TRPS1: variants seen among roughly 807,000 people sequenced by gnomAD.
TRPS1 encodes the protein zinc finger transcription factor Trps1.
Under a neutral mutation model 101.2 loss-of-function variants are expected in TRPS1, and 6 were observed. The observed-to-expected ratio is 0.06, with a 90% confidence interval of 0.03 to 0.12. TRPS1 has a LOEUF of 0.12. TRPS1 is among the 10% of genes least tolerant of loss of function. The pLI is 1.00. For synonymous variants in TRPS1, 578 were observed against 589.8 expected (o/e 0.98, Z 0.29); for missense variants, 1,363 against 1,567.0 (o/e 0.87, Z 2.20).
intron 4 of TRPS1, among the ~76,000 whole-genome samples, chr8:115,595,504 T>C (rs1173778567): frequency 6.6e-6 from 1 of 151,952 alleles, no homozygotes; most frequent in African/African-American, 2.4e-5. Context: ...TGAAATAATC[T>C]GATTAGGATT....
intron 5 of TRPS1, among the ~76,000 whole-genome samples, chr8:115,584,564 C>T (rs1361355617): frequency 6.6e-6 from 1 of 150,628 alleles, no homozygotes; most frequent in Admixed American, 6.6e-5. Flanking sequence ...AACTATGCCT[C>T]TGAAACTATA....
At chr8:115,590,735 T>C (rs1226332049) in intron 4 of TRPS1, among the ~76,000 whole-genome samples, 1 of 152,216 alleles carries the variant, frequency 6.6e-6, no homozygotes, top group Non-Finnish European at 1.5e-5. Context: ...ACTGAACCTG[T>C]CTCAGTTTCC....
chr8:115,590,137 A>G (rs935581819), intron 4 of TRPS1, among the ~76,000 whole-genome samples: 2 of 151,998 alleles, frequency 1.3e-5, no homozygotes, highest in African/African-American at 4.8e-5. Flanking sequence ...AAACAACAAC[A>G]ACAAAAAAAA....
At chr8:115,559,772 T>C (rs1051971408) in intron 5 of TRPS1, among the ~76,000 whole-genome samples, 1 of 152,146 alleles carries the variant, frequency 6.6e-6, no homozygotes, top group Non-Finnish European at 1.5e-5. Flanking sequence ...AATCTTACCC[T>C]TGAAAGTGCC....
intron 1 of TRPS1, among the ~76,000 whole-genome samples, chr8:115,625,708 C>A (rs1444069050): frequency 1.3e-5 from 2 of 151,844 alleles, no homozygotes; most frequent in African/African-American, 4.8e-5. Context: ...TTCTGAGTAT[C>A]TTTCTAAATA....
At chr8:115,645,513 T>C (rs920429470) in intron 1 of TRPS1, among the ~76,000 whole-genome samples, 3 of 152,122 alleles carry the variant, frequency 2.0e-5, no homozygotes, top group African/African-American at 7.2e-5. Context: ...AGAAAGGTTC[T>C]GAGGTATTCA....
intron 5 of TRPS1, among the ~76,000 whole-genome samples, chr8:115,486,293 G>A (rs1814878174): frequency 6.6e-6 from 1 of 152,126 alleles, no homozygotes; most frequent in Admixed American, 6.6e-5. Context: ...TAAGTGCTGC[G>A]TGTGTTCTGA....
At chr8:115,423,573 T>A (rs1813119931) in intron 5 of TRPS1, among the ~76,000 whole-genome samples, 2 of 152,210 alleles carry the variant, frequency 1.3e-5, no homozygotes, top group South Asian at 4.1e-4. Context: ...TCCTCCCCTT[T>A]AGAGTAAACC....
rs1322890657 is a variant in TRPS1, at chr8:115,587,578, C to T, written c.2123G>A (p.Arg708His). ...ATCGGCAGCTGTAAAACTGCACTGA[C>T]GGCATTTGTAGCAGCTGTGTGCTCT... ...YRRAHSCYKC[R>H]QCSFTAADTQ... Residue 708 changes from arginine (R) to histidine (H), a missense_variant, in exon 5 of 7, where the codon CGT becomes CAT. By Grantham distance (29) the Arg-to-His change is conservative (BLOSUM62 0). Around this residue, in one of 5 missense-constraint regions of TRPS1, gnomAD observed 1,020 missense variants for 1,073.0 expected, o/e 0.95. Coordinates refer to ENST00000395715, the MANE Select transcript of TRPS1 (RefSeq NM_014112.5). 1 of 1,613,998 alleles carries T rather than the reference C, an allele frequency of 6.2e-7. No homozygotes were observed. Among genetic ancestry groups the T allele is most frequent in the Admixed American group, 1.7e-5 (1 of 60,006 alleles).
At chr8:115,537,790 T>C (rs1454124596) in intron 5 of TRPS1, among the ~76,000 whole-genome samples, 1 of 152,236 alleles carries the variant, frequency 6.6e-6, no homozygotes, top group Non-Finnish European at 1.5e-5. Flanking sequence ...AATACGTAAG[T>C]GAGTTGGACT....
intron 5 of TRPS1, among the ~76,000 whole-genome samples, chr8:115,533,439 T>TTTTTTTTGTTTTG (rs1816191784): frequency 4.3e-5 from 5 of 116,696 alleles, no homozygotes; most frequent in Non-Finnish European, 8.2e-5. Context: ...GTAATCTGTT[T>TTTTTTTTGTTTTG]TTTTTTTTTT....
At chr8:115,505,758 G>A (rs1334366820) in intron 5 of TRPS1, among the ~76,000 whole-genome samples, 1 of 152,042 alleles carries the variant, frequency 6.6e-6, no homozygotes, top group Admixed American at 6.6e-5. Context: ...TGAGCTTTTT[G>A]TTTACCAAGT....
chr8:115,642,140 A>C (rs1259638060), intron 1 of TRPS1, among the ~76,000 whole-genome samples: 2 of 151,904 alleles, frequency 1.3e-5, no homozygotes, highest in Non-Finnish European at 2.9e-5. Context: ...CTTGCGCCCA[A>C]GAGTTCAAGG....
chr8:115,439,610 CCT>C (rs928882804), intron 5 of TRPS1, among the ~76,000 whole-genome samples: 63 of 152,112 alleles, frequency 4.1e-4, no homozygotes, highest in African/African-American at 1.4e-3. Context: ...CATTTTGTAC[CCT>C]GTTTACATTA....
chr8:115,587,158 G>T lies in TRPS1; in HGVS notation c.2543C>A (p.Ala848Asp). Residue 848 changes from alanine to aspartate, a missense_variant, in exon 5 of 7, where the codon GCC becomes GAC. Ala to Asp is a moderately radical substitution (Grantham distance 126). Coordinates refer to ENST00000395715, the MANE Select transcript of TRPS1 (RefSeq NM_014112.5). ...ATAAATAGGTCGCGCCAGATGGGCG[G>T]CCTCCACATTGGGACTATCCCTTAG... ...KTLRDSPNVEAAHLARPIYGL... is the reference protein window; with the variant it reads ...KTLRDSPNVEDAHLARPIYGL... 1 of 1,614,180 alleles carries T rather than the reference G, an allele frequency of 6.2e-7. No individual in the cohort carries two copies. Among genetic ancestry groups the T allele is most frequent in the Non-Finnish European group, 8.5e-7 (1 of 1,180,024 alleles).
At chr8:115,631,905 C>T (rs1202567932) in intron 1 of TRPS1, among the ~76,000 whole-genome samples, 1 of 152,032 alleles carries the variant, frequency 6.6e-6, no homozygotes, top group African/African-American at 2.4e-5. Flanking sequence ...TCCATGGGCA[C>T]AGATCAAGAA....
At chr8:115,555,751 A>T (rs1816803237) in intron 5 of TRPS1, among the ~76,000 whole-genome samples, 1 of 152,148 alleles carries the variant, frequency 6.6e-6, no homozygotes, top group Non-Finnish European at 1.5e-5. Context: ...CACGCCTGTA[A>T]TCTCAGCTCT....
chr8:115,541,998 C>T (rs960461488), intron 5 of TRPS1, among the ~76,000 whole-genome samples: 1 of 152,150 alleles, frequency 6.6e-6, no homozygotes, highest in African/African-American at 2.4e-5. Flanking sequence ...ATGTCCAGAA[C>T]AATTTGCCAT....
rs888935697 is a variant in TRPS1, at chr8:115,569,963, T to C, written c.2700+17038A>G. 2.6e-5 allele frequency among the ~76,000 whole-genome samples: 4 copies of C among 152,080 alleles called. No homozygotes were observed. The South Asian group carries it at 8.3e-4, about 32-fold the overall frequency. On this transcript the variant is annotated intron_variant, in intron 5 of 6. Coordinates refer to ENST00000395715, the MANE Select transcript of TRPS1 (RefSeq NM_014112.5). ...AATTTTGGAGTCATGATTTAACAAA[T>C]AGACTTTTTAGGTTTGAACTGAAAC...
Sources: gnomAD v4.1 joint callset for allele counts (sites outside exome capture counted in the v4.1 genomes callset) on GRCh38, gnomAD v4.1.1 for gene constraint, gnomAD v4.1.1 regional missense constraint, MANE v1.5 for transcripts, NCBI Gene and HGNC (gene_info 2026-07-23, HGNC 2026-07-21) for gene names.